The following GRM1 variants were observed in gnomAD, a reference collection of about 807,000 sequenced individuals.
GRM1 encodes glutamate metabotropic receptor 1.
A neutral mutation model predicts 90.9 loss-of-function variants in GRM1; 33 were observed. The observed-to-expected ratio is 0.36, with a 90% confidence interval of 0.28 to 0.49. The LOEUF (loss-of-function observed/expected upper bound fraction) is 0.49. Ranked by LOEUF, GRM1 falls within the 20% of genes least tolerant of loss-of-function variation. The probability of loss-of-function intolerance (pLI) is 0.99; values close to 1 mark genes in which losing one functional copy is unlikely to be tolerated. For missense variants in GRM1, 1,190 were observed against 1,534.3 expected, an observed-to-expected ratio of 0.78 and a Z score of 3.75; for synonymous variants, 700 against 613.2, an observed-to-expected ratio of 1.14 and a Z score of -2.09.
chr6:146,169,542 C>T (rs1778025429), intron 2 of GRM1, among the ~76,000 whole-genome samples: 1 of 152,106 alleles, frequency 6.6e-6, no homozygotes, highest in Admixed American at 6.6e-5. Flanking sequence ...GAGGGAATCC[C>T]TCCAAAGATT....
chr6:146,342,131 G>C (rs193240219), intron 3 of GRM1, among the ~76,000 whole-genome samples: 1 of 152,250 alleles, frequency 6.6e-6, no homozygotes, highest in East Asian at 1.9e-4. Flanking sequence ...GTTGGTCTGA[G>C]GGTTTTAGAA....
intron 1 of GRM1, among the ~76,000 whole-genome samples, chr6:146,139,610 T>C (rs915602858): frequency 6.6e-6 from 1 of 152,214 alleles, no homozygotes; most frequent in African/African-American, 2.4e-5. Context: ...ATCTATTTTG[T>C]CCAATATATC....
intron 2 of GRM1, among the ~76,000 whole-genome samples, chr6:146,299,442 T>C (rs1317864960): frequency 6.6e-6 from 1 of 152,156 alleles, no homozygotes; most frequent in Admixed American, 6.5e-5. Flanking sequence ...GATCCTCTTA[T>C]ATTTTGCTTT....
chr6:146,174,187 T>A (rs1474203792), intron 2 of GRM1, among the ~76,000 whole-genome samples: 1 of 151,920 alleles, frequency 6.6e-6, no homozygotes, highest in Admixed American at 6.6e-5. Flanking sequence ...TTTTTCCTAG[T>A]GTTAAATTTT....
intron 1 of GRM1, among the ~76,000 whole-genome samples, chr6:146,118,419 G>A (rs1219361322): frequency 7.2e-5 from 11 of 152,244 alleles, no homozygotes; most frequent in African/African-American, 4.8e-5. Flanking sequence ...GATTACAGGC[G>A]TGAACCACTG....
intron 1 of GRM1, among the ~76,000 whole-genome samples, chr6:146,044,525 G>A (rs1386036243): frequency 1.3e-5 from 2 of 151,964 alleles, no homozygotes; most frequent in African/African-American, 4.8e-5. Flanking sequence ...GATATAGGAT[G>A]AGAAAATGGA....
At chr6:146,433,791 A>G in intron 7 of GRM1, 81 bp from the exon 8 acceptor site, 1 of 984,694 alleles carries the variant, frequency 1.0e-6, no homozygotes, top group South Asian at 1.3e-5. Flanking sequence ...ACACTGAGCT[A>G]GGTTTGCATA....
At chr6:146,243,060 G>T (rs1318202650) in intron 2 of GRM1, among the ~76,000 whole-genome samples, 2 of 152,078 alleles carry the variant, frequency 1.3e-5, no homozygotes, top group Non-Finnish European at 1.5e-5. Flanking sequence ...AGAGGCAGCA[G>T]CAACAAACCT....
intron 3 of GRM1, among the ~76,000 whole-genome samples, chr6:146,333,742 A>C (rs1161793319): frequency 2.0e-5 from 3 of 152,100 alleles, no homozygotes; most frequent in Non-Finnish European, 4.4e-5. Flanking sequence ...CCAAGTGGGC[A>C]CTGTTGGAGC....
chr6:146,271,611 C>T (rs1782166203), intron 2 of GRM1, among the ~76,000 whole-genome samples: 1 of 152,112 alleles, frequency 6.6e-6, no homozygotes, highest in South Asian at 2.1e-4. Context: ...TTGAGCTTTG[C>T]CTGTCATTAA....
chr6:146,240,992 C>T (rs912997870), intron 2 of GRM1, among the ~76,000 whole-genome samples: 8 of 152,050 alleles, frequency 5.3e-5, no homozygotes, highest in African/African-American at 1.7e-4. Flanking sequence ...GGAGTAGATT[C>T]AGGAGGGAAA....
chr6:146,409,081 TA>T (rs1207426699), intron 7 of GRM1, among the ~76,000 whole-genome samples: 1 of 152,124 alleles, frequency 6.6e-6, no homozygotes, highest in African/African-American at 2.4e-5. Flanking sequence ...GTGGGGTATT[TA>T]ATGTAAAAAT....
intron 6 of GRM1, among the ~76,000 whole-genome samples, chr6:146,397,218 C>A (rs1279508592): frequency 6.6e-6 from 1 of 152,008 alleles, no homozygotes; most frequent in Admixed American, 6.6e-5. Context: ...TGTGGTGGCT[C>A]ATGCCTGTAG....
chr6:146,268,945 A>G (rs1283758329), intron 2 of GRM1, among the ~76,000 whole-genome samples: 3 of 152,212 alleles, frequency 2.0e-5, no homozygotes, highest in Non-Finnish European at 4.4e-5. Flanking sequence ...ATAAACCCAC[A>G]CACTTACAGC....
At chr6:146,200,529 A>G (rs1307192455) in intron 2 of GRM1, among the ~76,000 whole-genome samples, 1 of 152,190 alleles carries the variant, frequency 6.6e-6, no homozygotes, top group Non-Finnish European at 1.5e-5. Context: ...CATTGGCCAT[A>G]TATCATGCAG....
chr6:146,287,351 G>A (rs1019159116), intron 2 of GRM1, among the ~76,000 whole-genome samples: 4 of 152,008 alleles, frequency 2.6e-5, no homozygotes, highest in African/African-American at 4.8e-5. Context: ...TTCCTTTTTC[G>A]TATTGCATTT....
intron 3 of GRM1, among the ~76,000 whole-genome samples, chr6:146,341,703 A>G (rs543758841): frequency 6.6e-6 from 1 of 152,128 alleles, no homozygotes; most frequent in African/African-American, 2.4e-5. Context: ...GAGATGCTAA[A>G]CTCCGTATGT....
At chr6:146,406,117 T>A (rs537916616) in intron 7 of GRM1, among the ~76,000 whole-genome samples, 1 of 151,936 alleles carries the variant, frequency 6.6e-6, no homozygotes, top group Non-Finnish European at 1.5e-5. Flanking sequence ...AGAAAAGAGG[T>A]GACAAAGAAG....
intron 3 of GRM1, among the ~76,000 whole-genome samples, chr6:146,327,986 G>A (rs188717602): frequency 8.5e-5 from 13 of 152,224 alleles, no homozygotes; most frequent in South Asian, 4.2e-4. Context: ...GATGTGAGGC[G>A]CCCCACAGAT....
Sources: gnomAD v4.1 joint callset for allele counts (sites outside exome capture counted in the v4.1 genomes callset) on GRCh38, gnomAD v4.1.1 for gene constraint, MANE v1.5 for transcripts, NCBI Gene and HGNC (gene_info 2026-07-23, HGNC 2026-07-21) for gene names.